The following TTN variants were observed in gnomAD, a reference collection of about 807,000 sequenced individuals.
The protein encoded by TTN is connectin.
In TTN, 1,525 loss-of-function variants were observed where a neutral mutation model predicts 3,223.0. The observed-to-expected ratio is 0.47, with a 90% CI of 0.45 to 0.49. TTN has a LOEUF of 0.49. TTN is among the 20% of genes least tolerant of loss of function. The probability of loss-of-function intolerance (pLI) is 0.00; values close to 1 mark genes in which losing one functional copy is unlikely to be tolerated. For missense variants in TTN, 40,786 were observed against 43,424.0 expected, an observed-to-expected ratio of 0.94 and a Z score of 5.40; for synonymous variants, 14,094 against 15,161.0, an observed-to-expected ratio of 0.93 and a Z score of 5.17.
chr2:178,704,704 A>G lies in TTN; in HGVS notation c.29768T>C (p.Ile9923Thr). The change falls in exon 105 of 363, where the codon ATT becomes ACT. Residue 9923 changes from isoleucine to threonine, a missense_variant. By Grantham distance (89) the Ile-to-Thr change is moderately conservative. Coordinates refer to ENST00000589042, the MANE Select transcript of TTN (RefSeq NM_001267550.2). Reference sequence around the variant, plus strand: ...CTTGATTTCTGGATAATTAATTTTAATGTCAATTTCAAAGACAGCATCATT... The same window carrying G: ...CTTGATTTCTGGATAATTAATTTTAGTGTCAATTTCAAAGACAGCATCATT... ...KDNDAVFEIDIKINYPEIKLS... is the reference protein window; with the variant it reads ...KDNDAVFEIDTKINYPEIKLS... 6.2e-7 allele frequency: 1 copy of G among 1,611,534 alleles called. No homozygotes were observed. Among genetic ancestry groups the G allele is most frequent in the Non-Finnish European group, 8.5e-7 (1 of 1,179,176 alleles).
Position 178,731,330 on chromosome 2 carries a change from T to C in TTN, c.17436A>G (p.Arg5812=). The change falls in exon 59 of 363, where the codon AGA becomes AGG. Residue 5812 remains arginine (R), a synonymous_variant. Transcript: ENST00000589042. The stretch of plus-strand genomic sequence containing the variant: ...CTTTTACTGAGAGTAATGCAGAACA[T>C]CTTTGTATTCCTGCATCATTTTTGG... ...CQAKNDAGIQ[R]CSALLSVKEP... 6.2e-7 allele frequency: 1 copy of C among 1,613,818 alleles called. No homozygotes were observed. Among genetic ancestry groups the C allele is most frequent in the Middle Eastern group, 1.7e-4 (1 of 6,056 alleles).
At position 178,646,104 on chromosome 2, in the gene TTN, T is replaced by TTTTATATATATATATA. The variant is rs1188641505; in HGVS notation, c.40298-75_40298-74insTATATATATATATAAA. On this transcript the variant is annotated intron_variant, in intron 216 of 362. Coordinates refer to ENST00000589042, the MANE Select transcript of TTN (RefSeq NM_001267550.2). Reference sequence around the variant, plus strand: ...GGATATGTAGTATATTTAATAGAAATTATATATATATATATATATATATAT... The same window carrying TTTTATATATATATATA: ...GGATATGTAGTATATTTAATAGAAATTTTATATATATATATATATATATATATATATATATATATAT... 41 of 37,992 alleles carry TTTTATATATATATATA rather than the reference T, an allele frequency of 1.1e-3. 3 individuals carry two copies. The highest frequency in any genetic ancestry group is 6.4e-3 in the Admixed American group (14 of 2,186). 2.4% of individuals were successfully genotyped at this position (37,992 alleles called of 1,614,324 possible).
Position 178,680,042 on chromosome 2 carries a change from A to T in TTN, c.33432T>A (p.Pro11144=). 1 of 1,613,012 alleles carries T rather than the reference A, an allele frequency of 6.2e-7. No individual in the cohort carries two copies. Among genetic ancestry groups the T allele is most frequent in the South Asian group, 1.1e-5 (1 of 91,000 alleles). The stretch of plus-strand genomic sequence containing the variant: ...CAACCTCTTCTGGTTCAAGTTCTTT[A>T]GGCACTTCTGGCACTTTAAAGATAT... ...VAPPVRVPEV[P]KELEPEEVAF... Residue 11144 remains proline, a synonymous_variant, in exon 140 of 363, where the codon CCT becomes CCA. Transcript: ENST00000589042.
At position 178,770,529 on chromosome 2, in the gene TTN, T is replaced by C. The variant is rs749379860; in HGVS notation, c.8263A>G (p.Ile2755Val). 6.2e-7 allele frequency: 1 copy of C among 1,614,142 alleles called. No individual in the cohort carries two copies. The highest frequency in any genetic ancestry group is 8.5e-7 in the Non-Finnish European group (1 of 1,180,010). The change falls in exon 35 of 363, where the codon ATC (isoleucine) becomes GTC (valine). Residue 2755 changes from isoleucine to valine, a missense_variant. Transcript: ENST00000589042. The stretch of plus-strand genomic sequence containing the variant: ...GAGTAAATTGTTCCTTTGACAGAGA[T>C]AGCATACTTTTCATTGGATTCCAGC... ...VVLESNEKYA[I>V]SVKGTIYSLR...
At position 178,639,761 on chromosome 2, in the gene TTN, A is replaced by G. The variant is rs1351553543; in HGVS notation, c.40814T>C (p.Val13605Ala). The change falls in exon 223 of 363, where the codon GTG becomes GCG. Residue 13605 changes from valine (V) to alanine (A), a missense_variant. Physicochemically the swap from Val to Ala is moderately conservative, Grantham distance 64. Transcript: ENST00000589042. Reference protein sequence around the residue: ...AEVKTIKPPPVEPEPTPIAAP... With the variant: ...AEVKTIKPPPAEPEPTPIAAP... ...AGCGATGGGGGTTGGTTCAGGTTCC[A>G]CAGGAGGTGGTTTGATTGTTTTCAC... 2 of 1,603,726 alleles carry G rather than the reference A, an allele frequency of 1.2e-6. No homozygotes were observed. The highest frequency in any genetic ancestry group is 1.7e-6 in the Non-Finnish European group (2 of 1,175,978).
chr2:178,550,051 A>G lies in TTN; in HGVS notation c.91787T>C (p.Val30596Ala). Residue 30596 changes from valine (V) to alanine (A), a missense_variant, in exon 337 of 363, where the codon GTA becomes GCA. Val to Ala is a moderately conservative substitution (Grantham distance 64). Transcript: ENST00000589042. The stretch of plus-strand genomic sequence containing the variant: ...TGCATTTTTGGCTTCCACTGTGTAT[A>G]CACCACGATGGTCCCGAGTAGCATC... ...VRDATRDHRG[V>A]YTVEAKNASG... 1 of 1,613,814 alleles carries G rather than the reference A, an allele frequency of 6.2e-7. No individual in the cohort carries two copies. The highest frequency in any genetic ancestry group is 8.5e-7 in the Non-Finnish European group (1 of 1,179,762).
Position 178,618,180 on chromosome 2 carries a change from A to T in TTN, c.47269+9T>A, listed in dbSNP as rs774996330. On this transcript the variant is annotated intron_variant, in intron 252 of 362. Transcript: ENST00000589042. ...AAAAGCTAACTTGAATTTACTTAAA[A>T]CTTCTTACCATATTTACTCCTTGCT... 1.2e-6 allele frequency: 2 copies of T among 1,610,930 alleles called. No individual in the cohort carries two copies. The highest frequency in any genetic ancestry group is 1.7e-6 in the Non-Finnish European group (2 of 1,178,740).
At position 178,780,112 on chromosome 2, in the gene TTN, G is replaced by C. The variant is rs778279878; in HGVS notation, c.3617C>G (p.Ala1206Gly). Reference sequence around the variant, plus strand: ...ATACTCAGAGTATACAAATCCAGGTGCTGTTTCTCCAACTTTAGGTTCTTG... The same window carrying C: ...ATACTCAGAGTATACAAATCCAGGTCCTGTTTCTCCAACTTTAGGTTCTTG... ...FVQEPKVGETAPGFVYSEYEK... is the reference protein window; with the variant it reads ...FVQEPKVGETGPGFVYSEYEK... Residue 1206 changes from alanine (A) to glycine (G), a missense_variant, in exon 22 of 363, where the codon GCA (alanine) becomes GGA (glycine). Ala to Gly is a moderately conservative substitution (Grantham distance 60). Coordinates refer to ENST00000589042, the MANE Select transcript of TTN (RefSeq NM_001267550.2). 2 of 1,613,726 alleles carry C rather than the reference G, an allele frequency of 1.2e-6. No homozygotes were observed. Among genetic ancestry groups the C allele is most frequent in the Non-Finnish European group, 1.7e-6 (2 of 1,179,798 alleles).
At chr2:178,554,382 A>G (rs1700503118) in intron 332 of TTN, 71 bp downstream of exon 332, 2 of 1,514,490 alleles carry the variant, frequency 1.3e-6, no homozygotes, top group Non-Finnish European at 1.8e-6. Flanking sequence ...AAATTAAAGC[A>G]TATGCACAGG....
chr2:178,565,577 C>T lies in TTN; in HGVS notation c.80555G>A (p.Arg26852His), dbSNP rs202149931. The T allele has an allele frequency of 8.4e-5, 135 of 1,613,598 alleles. No individual in the cohort carries two copies. Among genetic ancestry groups the T allele is most frequent in the African/African-American group, 5.7e-4 (43 of 75,002 alleles). Residue 26852 changes from arginine (R) to histidine (H), a missense_variant, in exon 326 of 363, where the codon CGT (arginine) becomes CAT (histidine). By Grantham distance (29) the Arg-to-His change is conservative. Transcript: ENST00000589042. Reference protein sequence around the residue: ...GLSSGQEYQFRVKAYNEKGKS... With the variant: ...GLSSGQEYQFHVKAYNEKGKS... ...TCCTTTCTCATTATAAGCCTTGACA[C>T]GGAACTGATATTCTTGTCCAGAACT...
intron 47 of TTN, chr2:178,751,995 G>A (rs766693577): frequency 1.1e-5 from 18 of 1,592,018 alleles, no homozygotes; most frequent in South Asian, 4.7e-5. Context: ...AAGGCGTCAC[G>A]TGTATCCCTT....
At chr2:178,679,235 A>C in intron 142 of TTN, 104 bp downstream of exon 142, 1 of 1,200,082 alleles carries the variant, frequency 8.3e-7, no homozygotes, top group African/African-American at 1.5e-5. Flanking sequence ...TCATGGCATT[A>C]ATGTTGTTAA....
Position 178,712,721 on chromosome 2 carries a change from A to G in TTN, c.27304T>C (p.Cys9102Arg). Residue 9102 changes from cysteine (C) to arginine (R), a missense_variant, in exon 94 of 363, where the codon TGT (cysteine) becomes CGT (arginine). Transcript: ENST00000589042. ...CCTTTTATGTAGAGATGTGTTGTAC[A>G]AGAAGCCTTGCCAGCTTCATTGCTA... ...IVSNEAGKASCTTHLYIKAPA... is the reference protein window; with the variant it reads ...IVSNEAGKASRTTHLYIKAPA... 12 of 1,613,754 alleles carry G rather than the reference A, an allele frequency of 7.4e-6. No individual in the cohort carries two copies. Among genetic ancestry groups the G allele is most frequent in the Non-Finnish European group, 1.0e-5 (12 of 1,179,710 alleles).
In TTN at chr2:178,747,922, G is replaced by A. The variant is rs745890971; in HGVS notation, c.11311+5202C>T. The A allele has an allele frequency of 3.1e-6, 5 of 1,613,040 alleles. No individual in the cohort carries two copies. Among genetic ancestry groups the A allele is most frequent in the Non-Finnish European group, 4.2e-6 (5 of 1,179,496 alleles). ...AGAGTGGGAAGCACTGACTCAGGGA[G>A]AGCTGTCTATGGAGTGTGTCAGCTT... On this transcript the variant is annotated intron_variant, in intron 47 of 362. Coordinates refer to ENST00000589042, the MANE Select transcript of TTN (RefSeq NM_001267550.2).
Position 178,532,556 on chromosome 2 carries a change from G to A in TTN, c.104059C>T (p.Leu34687Phe). 3.1e-6 allele frequency: 5 copies of A among 1,613,934 alleles called. No individual in the cohort carries two copies. Among genetic ancestry groups the A allele is most frequent in the Non-Finnish European group, 4.2e-6 (5 of 1,179,856 alleles). The change falls in exon 358 of 363, where the codon CTT (leucine) becomes TTT (phenylalanine). Residue 34687 changes from leucine to phenylalanine, a missense_variant. Transcript: ENST00000589042. ...GGTGAAGCTGAAAAACCTAACTCAA[G>A]CTCTTCTTCAAGACGCAGCCTCTCT... is the stretch of plus-strand genomic sequence containing the variant. ...EEERLRLEEELELGFSASPPS... is the reference protein window; with the variant it reads ...EEERLRLEEEFELGFSASPPS...
Position 178,782,913 on chromosome 2 carries a change from G to C in TTN, c.2993C>G (p.Ala998Gly), listed in dbSNP as rs776232888. The C allele has an allele frequency of 6.8e-6, 11 of 1,614,110 alleles. No individual in the cohort carries two copies. In the African/African-American group the frequency reaches 1.3e-4, roughly 20 times the overall value. The change falls in exon 18 of 363, where the codon GCT becomes GGT. Residue 998 changes from alanine (A) to glycine (G), a missense_variant. By Grantham distance (60) the Ala-to-Gly change is moderately conservative (BLOSUM62 0). Transcript: ENST00000589042. Reference protein sequence around the residue: ...DFQITFQSGIARLMIREAFAE... With the variant: ...DFQITFQSGIGRLMIREAFAE... ...AAATGCTTCGCGAATCATAAGACGA[G>C]CAATTCCACTCTGGAAGGTTATCTG...
intron 250 of TTN, 122 bp downstream of exon 250, chr2:178,619,499 C>T (rs2057944857): frequency 7.9e-7 from 1 of 1,263,698 alleles, no homozygotes; most frequent in African/African-American, 1.5e-5. Flanking sequence ...GAGTTGTTAA[C>T]ATGTGGGTAG....
At chr2:178,648,431 A>G (rs1418498145) in intron 213 of TTN, among the ~76,000 whole-genome samples, 1 of 151,824 alleles carries the variant, frequency 6.6e-6, no homozygotes, top group Non-Finnish European at 1.5e-5. Context: ...TTTTTTTGAG[A>G]CAGAGGCTCA....
At position 178,552,792 on chromosome 2, in the gene TTN, A is replaced by G. The variant is rs1344907116; in HGVS notation, c.90108T>C (p.Asp30036=). Residue 30036 remains aspartate (D), a synonymous_variant, in exon 335 of 363, where the codon GAT becomes GAC. Coordinates refer to ENST00000589042, the MANE Select transcript of TTN (RefSeq NM_001267550.2). ...TCTTTGTTGAGTCTTTCATTGAGAG[A>G]TCACGTATAGGAGCTGGTACTTCAG... ...KAAEVPAPIR[D]LSMKDSTKTS... 2 of 1,613,886 alleles carry G rather than the reference A, an allele frequency of 1.2e-6. No homozygotes were observed. Among genetic ancestry groups the G allele is most frequent in the African/African-American group, 1.3e-5 (1 of 75,048 alleles).
Sources: allele counts gnomAD v4.1 joint callset (sites outside exome capture counted in the v4.1 genomes callset), GRCh38; gene constraint gnomAD v4.1.1; transcripts MANE v1.5; gene names NCBI Gene and HGNC (gene_info 2026-07-23, HGNC 2026-07-21).